Variants in BMPR1B observed in about 807,000 individuals in gnomAD.
The protein encoded by BMPR1B is bone morphogenetic protein receptor type-1B.
A neutral mutation model predicts 59.1 loss-of-function variants in BMPR1B; 12 were observed. The ratio of observed to expected loss-of-function variants is 0.20; its 90% confidence interval spans 0.13 to 0.33. The LOEUF (loss-of-function observed/expected upper bound fraction) is 0.33. Ranked by LOEUF, BMPR1B falls within the 10% of genes least tolerant of loss-of-function variation. The pLI, the probability that BMPR1B is intolerant of heterozygous loss-of-function variation, is 1.00. For synonymous variants in BMPR1B, 237 were observed against 207.3 expected (o/e 1.14, Z -1.23); for missense variants, 550 against 610.9 (o/e 0.90, Z 1.05).
chr4:95,085,894 A>G (rs1729534526), intron 3 of BMPR1B, among the ~76,000 whole-genome samples: 1 of 152,138 alleles, frequency 6.6e-6, no homozygotes, highest in Non-Finnish European at 1.5e-5. Flanking sequence ...TGAGGTTTAT[A>G]AAATATTAGG....
At chr4:94,760,419 T>C (rs1721712509) in intron 1 of BMPR1B, among the ~76,000 whole-genome samples, 1 of 152,224 alleles carries the variant, frequency 6.6e-6, no homozygotes, top group Admixed American at 6.5e-5. Flanking sequence ...GATAAAGTAT[T>C]TTTATTACAG....
chr4:94,948,517 A>G (rs1245788962), intron 2 of BMPR1B, among the ~76,000 whole-genome samples: 2 of 152,162 alleles, frequency 1.3e-5, no homozygotes, highest in East Asian at 3.9e-4. Context: ...TATCTAATCC[A>G]CCTCATTTGT....
chr4:95,071,650 GTGTATATATATATATA>G (rs995165060), intron 3 of BMPR1B, among the ~76,000 whole-genome samples: 17 of 78,452 alleles, frequency 2.2e-4, no homozygotes, highest in Non-Finnish European at 4.1e-4. Context: ...GTGTGTGTGT[GTGTATATATATATATA>G]TATATATATA....
chr4:94,893,460 C>T (rs1727472981), intron 2 of BMPR1B, among the ~76,000 whole-genome samples: 1 of 151,964 alleles, frequency 6.6e-6, no homozygotes, highest in African/African-American at 2.4e-5. Context: ...AGAAGAAATA[C>T]GTGCATATGT....
chr4:95,031,916 A>C (rs1724887946), intron 3 of BMPR1B, among the ~76,000 whole-genome samples: 1 of 152,090 alleles, frequency 6.6e-6, no homozygotes, highest in African/African-American at 2.4e-5. Flanking sequence ...GCAGAGCAGG[A>C]CTAATGTCTC....
intron 2 of BMPR1B, among the ~76,000 whole-genome samples, chr4:94,917,609 C>T (rs1473839018): frequency 3.3e-5 from 5 of 152,182 alleles, no homozygotes; most frequent in African/African-American, 4.8e-5. Flanking sequence ...ATGCCTGTAT[C>T]CCCATATTAT....
At chr4:94,978,802 T>G (rs537395534) in intron 2 of BMPR1B, among the ~76,000 whole-genome samples, 9 of 152,168 alleles carry the variant, frequency 5.9e-5, no homozygotes, top group African/African-American at 2.2e-4. Context: ...AAGACATACC[T>G]GAGACTGGGT....
chr4:94,948,545 G>A (rs1224819974), intron 2 of BMPR1B, among the ~76,000 whole-genome samples: 1 of 152,088 alleles, frequency 6.6e-6, no homozygotes, highest in African/African-American at 2.4e-5. Context: ...CTAAAAGCAA[G>A]GAAAAAGGAA....
intron 11 of BMPR1B, among the ~76,000 whole-genome samples, chr4:95,152,158 A>G (rs1190278057): frequency 6.6e-6 from 1 of 152,126 alleles, no homozygotes; most frequent in Non-Finnish European, 1.5e-5. Context: ...AATGTGCAAA[A>G]CCACATTCCT....
rs541598629 is a variant in BMPR1B at position 94,979,335 on chromosome 4, T to C, written c.-112-16705T>C. Among the ~76,000 whole-genome samples, 61 of 152,314 alleles carry C rather than the reference T, an allele frequency of 4.0e-4. No individual in the cohort carries two copies. In the South Asian group the frequency reaches 0.012, roughly 31 times the overall value. Reference sequence around the variant, plus strand: ...GGTATAGATGTTGACAGACACAGAATCTTTTATGTTAAAAAAAAACTTACA... The same window carrying C: ...GGTATAGATGTTGACAGACACAGAACCTTTTATGTTAAAAAAAAACTTACA... On this transcript the variant is annotated intron_variant, in intron 2 of 12. Coordinates refer to ENST00000515059, the MANE Select transcript of BMPR1B (RefSeq NM_001203.3).
intron 1 of BMPR1B, among the ~76,000 whole-genome samples, chr4:94,834,058 G>A (rs1309351642): frequency 6.6e-6 from 1 of 152,200 alleles, no homozygotes; most frequent in African/African-American, 2.4e-5. Context: ...AAACGGATTA[G>A]ATGTATTATT....
At chr4:95,119,945 A>G (rs184169212) in intron 6 of BMPR1B, among the ~76,000 whole-genome samples, 10 of 152,284 alleles carry the variant, frequency 6.6e-5, no homozygotes, top group African/African-American at 2.2e-4. Context: ...CAAGGGGTAC[A>G]TGTGGAGACT....
chr4:94,873,300 T>G (rs909340955), intron 1 of BMPR1B, among the ~76,000 whole-genome samples: 1 of 152,234 alleles, frequency 6.6e-6, no homozygotes, highest in Non-Finnish European at 1.5e-5. Flanking sequence ...TTTTTGCTTT[T>G]TTTCCTTCAT....
intron 12 of BMPR1B, 120 bp downstream of exon 12, chr4:95,152,893 G>A (rs953859925): frequency 8.0e-7 from 1 of 1,243,682 alleles, no homozygotes; most frequent in South Asian, 1.3e-5. Flanking sequence ...TGGTGATGGC[G>A]CCTCATTGCA....
At chr4:94,843,045 G>C (rs1183897107) in intron 1 of BMPR1B, among the ~76,000 whole-genome samples, 1 of 151,940 alleles carries the variant, frequency 6.6e-6, no homozygotes, top group African/African-American at 2.4e-5. Context: ...TCTCTGCCAG[G>C]CACTGTTTTA....
chr4:95,073,337 C>A (rs1383164514), intron 3 of BMPR1B, among the ~76,000 whole-genome samples: 1 of 152,126 alleles, frequency 6.6e-6, no homozygotes, highest in Non-Finnish European at 1.5e-5. Context: ...AGAAGTTTGT[C>A]TGTGTGATAT....
intron 1 of BMPR1B, among the ~76,000 whole-genome samples, chr4:94,851,867 A>T (rs13149777): frequency 3.3e-5 from 5 of 151,812 alleles, no homozygotes; most frequent in Non-Finnish European, 5.9e-5. Flanking sequence ...TAGATTTAAA[A>T]CTGTCTGTAA....
chr4:94,965,357 A>G (rs1331429835), intron 2 of BMPR1B, among the ~76,000 whole-genome samples: 2 of 152,076 alleles, frequency 1.3e-5, no homozygotes, highest in Non-Finnish European at 2.9e-5. Context: ...GCTAACATAT[A>G]TCAAAAGCCT....
chr4:94,831,913 A>G (rs1419674587), intron 1 of BMPR1B, among the ~76,000 whole-genome samples: 1 of 152,168 alleles, frequency 6.6e-6, no homozygotes, highest in East Asian at 1.9e-4. Flanking sequence ...TGAGCTTCTT[A>G]TGAGAATATA....
Sources: gnomAD v4.1 joint callset for allele counts (sites outside exome capture counted in the v4.1 genomes callset) on GRCh38, gnomAD v4.1.1 for gene constraint, MANE v1.5 for transcripts, NCBI Gene and HGNC (gene_info 2026-07-23, HGNC 2026-07-21) for gene names.